YTHDF3: variants seen among roughly 807,000 people sequenced by gnomAD.
YTHDF3 encodes the protein YTH domain-containing family protein 3.
A neutral mutation model predicts 52.5 loss-of-function variants in YTHDF3; 9 were observed. The ratio of observed to expected loss-of-function variants is 0.17; its 90% CI spans 0.10 to 0.30. YTHDF3 has a LOEUF of 0.30. Among genes scored for constraint, YTHDF3 ranks in the 10% least tolerant of loss-of-function variants. YTHDF3 has a pLI of 1.00. For synonymous variants in YTHDF3, 274 were observed against 243.3 expected, an observed-to-expected ratio of 1.13 and a Z score of -1.18; for missense variants, 534 against 715.0, an observed-to-expected ratio of 0.75 and a Z score of 2.89.
chr8:63,177,002 C>T (rs959463036), intron 3 of YTHDF3, among the ~76,000 whole-genome samples: 9 of 152,074 alleles, frequency 5.9e-5, no homozygotes, highest in East Asian at 1.9e-4. Context: ...TTAATTGGCA[C>T]GTTAAAGATG....
intron 3 of YTHDF3, among the ~76,000 whole-genome samples, chr8:63,178,631 G>A (rs921668594): frequency 1.3e-5 from 2 of 152,150 alleles, no homozygotes; most frequent in African/African-American, 4.8e-5. Context: ...GTACTAAATA[G>A]ATTTTCAGCA....
At chr8:63,182,481 A>T (rs1307818976) in intron 3 of YTHDF3, among the ~76,000 whole-genome samples, 1 of 152,152 alleles carries the variant, frequency 6.6e-6, no homozygotes, top group African/African-American at 2.4e-5. Context: ...TGACCCCTGA[A>T]TTATACTATG....
At chr8:63,199,230 A>G (rs1809439559) in intron 4 of YTHDF3, among the ~76,000 whole-genome samples, 1 of 152,170 alleles carries the variant, frequency 6.6e-6, no homozygotes, top group South Asian at 2.1e-4. Flanking sequence ...CTTCTTCCAT[A>G]CTATAATTGT....
intron 4 of YTHDF3, among the ~76,000 whole-genome samples, chr8:63,190,775 GA>G (rs1262386337): frequency 6.6e-6 from 1 of 152,160 alleles, no homozygotes; most frequent in Non-Finnish European, 1.5e-5. Context: ...GGCTGTGCTT[GA>G]ATGTCAGAGC....
intron 4 of YTHDF3, among the ~76,000 whole-genome samples, chr8:63,201,231 A>G (rs1283062020): frequency 3.9e-5 from 6 of 152,218 alleles, no homozygotes; most frequent in Non-Finnish European, 5.9e-5. Flanking sequence ...GCATGTGTTT[A>G]TATAGAGATT....
intron 3 of YTHDF3, among the ~76,000 whole-genome samples, chr8:63,180,710 G>A (rs1238325455): frequency 3.9e-5 from 6 of 152,238 alleles, no homozygotes; most frequent in African/African-American, 1.4e-4. Context: ...ACCAGACTCC[G>A]TCTGCAATCC....
At chr8:63,178,078 A>T (rs1807823815) in intron 3 of YTHDF3, among the ~76,000 whole-genome samples, 1 of 152,172 alleles carries the variant, frequency 6.6e-6, no homozygotes, top group Non-Finnish European at 1.5e-5. Context: ...TTTTTTAAGG[A>T]ATTTTAGTGG....
intron 4 of YTHDF3, among the ~76,000 whole-genome samples, chr8:63,201,900 A>G (rs1452083389): frequency 6.6e-6 from 1 of 152,240 alleles, no homozygotes; most frequent in East Asian, 1.9e-4. Flanking sequence ...GCTTGACTTT[A>G]AGAGCCTCTG....
rs751873623 is a variant in YTHDF3, at chr8:63,187,465, A to C, written c.1454A>C (p.Tyr485Ser). 6.2e-7 allele frequency: 1 copy of C among 1,613,916 alleles called. No individual in the cohort carries two copies. The highest frequency in any genetic ancestry group is 8.5e-7 in the Non-Finnish European group (1 of 1,179,904). The change falls in exon 4 of 5, where the codon TAT (tyrosine) becomes TCT (serine). Residue 485 changes from tyrosine to serine, a missense_variant. Around this residue, in one of 3 missense-constraint regions of YTHDF3, gnomAD observed 135 missense variants for 214.2 expected, o/e 0.63. Transcript: ENST00000539294. ...GCTGAAATGAAGTCTGTTGTGGACT[A>C]TAATGCGTATGCTGGTGTCTGGTCT... Reference protein sequence around the residue: ...GVAEMKSVVDYNAYAGVWSQD... With the variant: ...GVAEMKSVVDSNAYAGVWSQD...
chr8:63,187,846 CTACT>C, intron 4 of YTHDF3, 101 bp downstream of exon 4: 1 of 1,307,500 alleles, frequency 7.6e-7, no homozygotes, highest in Non-Finnish European at 1.0e-6. Flanking sequence ...AGGAAACCAA[CTACT>C]TAAGAAACAA....
chr8:63,172,086 T>C (rs962006393), intron 2 of YTHDF3, among the ~76,000 whole-genome samples: 4 of 152,336 alleles, frequency 2.6e-5, no homozygotes, highest in African/African-American at 9.6e-5. Context: ...TAATTAAGTC[T>C]GTCCCTGTGT....
intron 4 of YTHDF3, among the ~76,000 whole-genome samples, chr8:63,200,434 TC>T: frequency 6.6e-6 from 1 of 152,110 alleles, no homozygotes; most frequent in East Asian, 1.9e-4. Context: ...CTTTTTTTTT[TC>T]CTTATTCTTT....
At chr8:63,196,139 T>G (rs1809222906) in intron 4 of YTHDF3, among the ~76,000 whole-genome samples, 1 of 151,844 alleles carries the variant, frequency 6.6e-6, no homozygotes, top group African/African-American at 2.4e-5. Context: ...CAAGTGCCAG[T>G]ATTCCAGCTA....
Position 63,186,187 on chromosome 8 carries a change from G to A in YTHDF3, c.176G>A (p.Ser59Asn), listed in dbSNP as rs755677765. 6.2e-7 allele frequency: 1 copy of A among 1,613,944 alleles called. No homozygotes were observed. The highest frequency in any genetic ancestry group is 1.1e-5 in the South Asian group (1 of 91,086). ...YPPMSDPYMP[S>N]YYAPSIGFPY... Reference sequence around the variant, plus strand: ...CCAATGTCAGATCCATACATGCCTAGTTACTATGCTCCATCCATTGGATTT... The same window carrying A: ...CCAATGTCAGATCCATACATGCCTAATTACTATGCTCCATCCATTGGATTT... Residue 59 changes from serine to asparagine, a missense_variant, in exon 4 of 5, where the codon AGT becomes AAT. Ser to Asn is a conservative substitution (Grantham distance 46). Coordinates refer to ENST00000539294, the MANE Select transcript of YTHDF3 (RefSeq NM_152758.6).
intron 4 of YTHDF3, among the ~76,000 whole-genome samples, chr8:63,201,517 A>G (rs1044302233): frequency 6.6e-6 from 1 of 152,202 alleles, no homozygotes; most frequent in Non-Finnish European, 1.5e-5. Flanking sequence ...CTAGTTAATA[A>G]ATATAATTTA....
At chr8:63,173,280 G>C (rs184135967) in intron 2 of YTHDF3, among the ~76,000 whole-genome samples, 2 of 138,126 alleles carry the variant, frequency 1.4e-5, no homozygotes, top group Admixed American at 1.5e-4. Flanking sequence ...GTCTCACTCT[G>C]TACCCCAGGC....
At chr8:63,185,260 T>C (rs1808423458) in intron 3 of YTHDF3, among the ~76,000 whole-genome samples, 1 of 152,140 alleles carries the variant, frequency 6.6e-6, no homozygotes, top group Non-Finnish European at 1.5e-5. Flanking sequence ...TTATATTGTC[T>C]AGTAACAAAT....
At chr8:63,200,091 C>A (rs1467005861) in intron 4 of YTHDF3, among the ~76,000 whole-genome samples, 4 of 152,196 alleles carry the variant, frequency 2.6e-5, no homozygotes, top group African/African-American at 9.7e-5. Flanking sequence ...GGCTTGAGGT[C>A]TCATTGTGAA....
At position 63,187,652 on chromosome 8, in the gene YTHDF3, T is replaced by G; in HGVS notation, c.1641T>G (p.Leu547=). 4 of 1,611,146 alleles carry G rather than the reference T, an allele frequency of 2.5e-6. No individual in the cohort carries two copies. The South Asian group carries it at 4.4e-5, about 18-fold the overall frequency. The change falls in exon 4 of 5, where the codon CTT becomes CTG. Residue 547 remains leucine, a synonymous_variant. Coordinates refer to ENST00000539294, the MANE Select transcript of YTHDF3 (RefSeq NM_152758.6). ...CCCTAGAAAAAGCTAAGCAAGTGCT[T>G]AAAATAATTGCTACTTTCAAGCATA... The part of the protein sequence containing the change: ...EVPLEKAKQV[L]KIIATFKHTT...
Sources: allele counts gnomAD v4.1 joint callset (sites outside exome capture counted in the v4.1 genomes callset), GRCh38; gene constraint gnomAD v4.1.1; regional missense constraint gnomAD v4.1.1; transcripts MANE v1.5; gene names NCBI Gene and HGNC (gene_info 2026-07-23, HGNC 2026-07-21).